BCL7C: variants seen among roughly 807,000 people sequenced by gnomAD.
BCL7C encodes the protein B-cell CLL/lymphoma 7 protein family member C.
In BCL7C, 8 loss-of-function variants were observed where a neutral mutation model predicts 26.2. The observed-to-expected ratio is 0.30, with a 90% CI of 0.18 to 0.55. The LOEUF (loss-of-function observed/expected upper bound fraction) is 0.55, where lower values mean the gene tolerates loss of function less well. Among genes scored for constraint, BCL7C ranks in the 20% least tolerant of loss-of-function variants. The pLI, the probability that BCL7C is intolerant of heterozygous loss-of-function variation, is 0.93. For missense variants in BCL7C, 262 were observed against 298.5 expected (o/e 0.88, Z 0.90); for synonymous variants, 90 against 116.5 (o/e 0.77, Z 1.47).
At chr16:30,855,014 C>A (rs1170164245) in intron 5 of BCL7C, among the ~76,000 whole-genome samples, 1 of 151,860 alleles carries the variant, frequency 6.6e-6, no homozygotes, top group Non-Finnish European at 1.5e-5. Flanking sequence ...CTCACTTTTA[C>A]GTTATGTAAT....
At chr16:30,860,733 T>A (rs908855501) in intron 5 of BCL7C, among the ~76,000 whole-genome samples, 2 of 152,184 alleles carry the variant, frequency 1.3e-5, no homozygotes, top group Non-Finnish European at 2.9e-5. Context: ...CTGCTCCCAA[T>A]GTGACTCGTC....
chr16:30,865,535 G>A (rs2054817776), intron 5 of BCL7C, among the ~76,000 whole-genome samples: 1 of 151,852 alleles, frequency 6.6e-6, no homozygotes, highest in African/African-American at 2.4e-5. Flanking sequence ...CTATGATTAT[G>A]CCACTGCAGT....
At chr16:30,872,242 C>T (rs182659021) in intron 5 of BCL7C, among the ~76,000 whole-genome samples, 34 of 152,156 alleles carry the variant, frequency 2.2e-4, no homozygotes, top group Admixed American at 1.8e-3. Context: ...GAATACCCTG[C>T]GGCTGTGCTC....
chr16:30,838,675 T>C (rs994356182), intron 5 of BCL7C, among the ~76,000 whole-genome samples: 6 of 152,170 alleles, frequency 3.9e-5, no homozygotes, highest in African/African-American at 1.4e-4. Context: ...TAGTCCTAGC[T>C]ACTCAGGAGG....
chr16:30,886,842 C>A (rs1022739840), downstream of BCL7C, among the ~76,000 whole-genome samples: 2 of 152,104 alleles, frequency 1.3e-5, no homozygotes, highest in Non-Finnish European at 2.9e-5. Context: ...TCATCCCAGG[C>A]CCCCAAGTCC....
Position 30,894,053 on chromosome 16 carries a change from C to G in BCL7C, c.-109G>C, listed in dbSNP as rs907735154. 1 of 288,252 alleles carries G rather than the reference C, an allele frequency of 3.5e-6. No individual in the cohort carries two copies. Among genetic ancestry groups the G allele is most frequent in the Admixed American group, 6.0e-5 (1 of 16,530 alleles). 17.9% of individuals were successfully genotyped at this position (288,252 alleles called of 1,614,324 possible). A position where few individuals can be genotyped will look rare whatever the true frequency, so the allele number is the denominator to read the frequency against. On this transcript the variant is annotated 5_prime_UTR_variant, in exon 1 of 6. Transcript: ENST00000215115. ...GCCGCGCTCTCGGCCTGCCGTCCCC[C>G]CTGGAGTTGGCCGCGCCCTCTCTCG...
chr16:30,852,910 C>T (rs922366416), intron 5 of BCL7C, among the ~76,000 whole-genome samples: 2 of 151,864 alleles, frequency 1.3e-5, no homozygotes, highest in Admixed American at 6.6e-5. Flanking sequence ...TCTTTATATC[C>T]TTATTCCAGA....
intron 5 of BCL7C, among the ~76,000 whole-genome samples, chr16:30,879,476 G>A (rs1464014847): frequency 3.3e-5 from 5 of 151,844 alleles, no homozygotes; most frequent in African/African-American, 1.2e-4. Context: ...ATTAGCCTGA[G>A]TAAAAGAAAA....
chr16:30,868,379 C>T (rs1486241387), intron 5 of BCL7C, among the ~76,000 whole-genome samples: 7 of 150,208 alleles, frequency 4.7e-5, no homozygotes, highest in African/African-American at 1.2e-4. Flanking sequence ...CCTCCTGATC[C>T]GCCCACCTCG....
intron 5 of BCL7C, among the ~76,000 whole-genome samples, chr16:30,867,926 AAG>A (rs2054843284): frequency 6.6e-6 from 1 of 152,074 alleles, no homozygotes; most frequent in African/African-American, 2.4e-5. Flanking sequence ...TGGAAGCTGG[AAG>A]AGAGAGTGAA....
At chr16:30,865,499 G>A (rs2054817456) in intron 5 of BCL7C, among the ~76,000 whole-genome samples, 2 of 152,084 alleles carry the variant, frequency 1.3e-5, no homozygotes, top group African/African-American at 4.8e-5. Context: ...GATCCCTTGA[G>A]CTCTGGAGTT....
chr16:30,835,054 G>A, exon 6 of BCL7C: 1 of 1,548,866 alleles, frequency 6.5e-7, no homozygotes, highest in Non-Finnish European at 8.7e-7. Flanking sequence ...CCGGACATTT[G>A]TCCGGAGGCC....
chr16:30,836,310 A>G (rs371007727), intron 5 of BCL7C, among the ~76,000 whole-genome samples: 2 of 152,224 alleles, frequency 1.3e-5, no homozygotes, highest in East Asian at 3.9e-4. Flanking sequence ...TTTACAAAAT[A>G]TTAAAAAATT....
At chr16:30,859,320 G>A (rs2054750232) in intron 5 of BCL7C, among the ~76,000 whole-genome samples, 1 of 152,178 alleles carries the variant, frequency 6.6e-6, no homozygotes, top group South Asian at 2.1e-4. Context: ...AGTGAGTAAT[G>A]AAAATCCTAA....
downstream of BCL7C, among the ~76,000 whole-genome samples, chr16:30,886,798 A>C (rs1375124621): frequency 1.3e-5 from 2 of 152,198 alleles, no homozygotes; most frequent in Non-Finnish European, 2.9e-5. Context: ...TCCCAGGTGG[A>C]GGAGTGGCTT....
At chr16:30,891,332 C>T (rs1299210699) in intron 4 of BCL7C, among the ~76,000 whole-genome samples, 1 of 152,048 alleles carries the variant, frequency 6.6e-6, no homozygotes, top group East Asian at 1.9e-4. Flanking sequence ...CATGGTGGTT[C>T]ATGCCTATAT....
intron 5 of BCL7C, among the ~76,000 whole-genome samples, chr16:30,874,059 G>C (rs2054909461): frequency 6.8e-6 from 1 of 146,688 alleles, no homozygotes; most frequent in Non-Finnish European, 1.5e-5. Flanking sequence ...GCAGTGGTGC[G>C]ATCTTGGCTC....
At chr16:30,844,206 T>C (rs958161746) in intron 5 of BCL7C, among the ~76,000 whole-genome samples, 1 of 150,474 alleles carries the variant, frequency 6.6e-6, no homozygotes, top group Non-Finnish European at 1.5e-5. Context: ...CAAAATTAGC[T>C]GGGCGTGGTG....
intron 5 of BCL7C, among the ~76,000 whole-genome samples, chr16:30,854,900 G>A (rs751765004): frequency 2.1e-4 from 32 of 152,106 alleles, no homozygotes; most frequent in East Asian, 7.7e-4. Context: ...GTTTCGCCAC[G>A]TTGGTTAGGC....
Sources: gnomAD v4.1 joint callset for allele counts (sites outside exome capture counted in the v4.1 genomes callset) on GRCh38, gnomAD v4.1.1 for gene constraint, MANE v1.5 for transcripts, NCBI Gene and HGNC (gene_info 2026-07-23, HGNC 2026-07-21) for gene names.